The following SLC4A4 variants were observed in gnomAD, a reference collection of about 807,000 sequenced individuals.
SLC4A4 encodes the protein solute carrier family 4 member 4, also known as electrogenic sodium bicarbonate cotransporter 1.
SLC4A4 carries 27 observed loss-of-function variants against 111.5 expected under a neutral mutation model. That is an observed-to-expected ratio of 0.24 (90% CI 0.18 to 0.33). SLC4A4 has a LOEUF of 0.33. Among genes scored for constraint, SLC4A4 ranks in the 10% least tolerant of loss-of-function variants. The pLI is 1.00. For synonymous variants in SLC4A4, 443 were observed against 463.4 expected (o/e 0.96, Z 0.57); for missense variants, 909 against 1,315.5 (o/e 0.69, Z 4.78).
intron 3 of SLC4A4, among the ~76,000 whole-genome samples, chr4:71,271,760 A>G (rs1410752019): frequency 6.6e-6 from 1 of 152,250 alleles, no homozygotes; most frequent in African/African-American, 2.4e-5. Flanking sequence ...TAGCTACTCA[A>G]TAACATAAAA....
At chr4:71,492,464 A>T (rs1464396741) in intron 15 of SLC4A4, among the ~76,000 whole-genome samples, 1 of 151,984 alleles carries the variant, frequency 6.6e-6, no homozygotes, top group African/African-American at 2.4e-5. Context: ...CATGAGATTT[A>T]CCACAGTTAA....
chr4:71,179,317 C>G (rs1325668741), intron 2 of SLC4A4, among the ~76,000 whole-genome samples: 1 of 152,154 alleles, frequency 6.6e-6, no homozygotes, highest in African/African-American at 2.4e-5. Flanking sequence ...CCCTCTCTCA[C>G]CACTCCTATT....
At chr4:71,531,717 T>C (rs550181482) in intron 16 of SLC4A4, among the ~76,000 whole-genome samples, 137 of 150,008 alleles carry the variant, frequency 9.1e-4, no homozygotes, top group South Asian at 3.8e-3. Context: ...TTATACAGTA[T>C]CTCAGGGGTA....
intron 3 of SLC4A4, among the ~76,000 whole-genome samples, chr4:71,255,963 GAT>G (rs1360589736): frequency 1.3e-5 from 2 of 152,140 alleles, no homozygotes; most frequent in African/African-American, 4.8e-5. Context: ...TCATACACTG[GAT>G]AAAAGTGTTA....
In SLC4A4 at chr4:71,339,465, G is replaced by A; in HGVS notation, c.349G>A (p.Ala117Thr). 6.2e-7 allele frequency: 1 copy of A among 1,614,066 alleles called. No homozygotes were observed. Among genetic ancestry groups the A allele is most frequent in the South Asian group, 1.1e-5 (1 of 91,078 alleles). ...CTTCACGGAACTGGATGAGCTGCTG[G>A]CCGTGGATGGGCAGGAGATGGAGTG... The part of the protein sequence containing the change: ...QLFTELDELL[A>T]VDGQEMEWKE... The change falls in exon 4 of 26, where the codon GCC becomes ACC. Residue 117 changes from alanine to threonine, a missense_variant. Ala to Thr is a moderately conservative substitution (Grantham distance 58). Transcript: ENST00000264485.
chr4:71,376,962 T>A (rs972909531), intron 6 of SLC4A4, among the ~76,000 whole-genome samples: 3 of 152,176 alleles, frequency 2.0e-5, no homozygotes, highest in African/African-American at 7.2e-5. Flanking sequence ...TAAAGAGATT[T>A]GTAAAAATGT....
At chr4:71,153,283 T>C (rs1017307225) in intron 2 of SLC4A4, among the ~76,000 whole-genome samples, 30 of 152,104 alleles carry the variant, frequency 2.0e-4, no homozygotes, top group African/African-American at 7.0e-4. Context: ...CCCACCCACG[T>C]TAAGGGTGGG....
At chr4:71,213,320 G>C (rs1389043031) in intron 1 of SLC4A4, among the ~76,000 whole-genome samples, 3 of 152,104 alleles carry the variant, frequency 2.0e-5, no homozygotes, top group Admixed American at 2.0e-4. Flanking sequence ...TAAAGTATTG[G>C]CTCATGAGTG....
At chr4:71,340,675 T>A (rs1728838032) in intron 4 of SLC4A4, among the ~76,000 whole-genome samples, 2 of 152,084 alleles carry the variant, frequency 1.3e-5, no homozygotes, top group Admixed American at 6.5e-5. Flanking sequence ...GAGGCCCGAG[T>A]TTACTTTGAC....
intron 7 of SLC4A4, among the ~76,000 whole-genome samples, chr4:71,423,360 C>A (rs1244578550): frequency 2.0e-5 from 3 of 152,174 alleles, no homozygotes; most frequent in Non-Finnish European, 2.9e-5. Context: ...AATGGAAGAA[C>A]ATTCCATGCT....
intron 3 of SLC4A4, among the ~76,000 whole-genome samples, chr4:71,269,270 G>C (rs1578718303): frequency 6.6e-6 from 1 of 152,322 alleles, no homozygotes; most frequent in East Asian, 1.9e-4. Context: ...CACTTGATTG[G>C]TCTAAAGTCA....
chr4:71,253,842 T>C (rs1721250021), intron 2 of SLC4A4, among the ~76,000 whole-genome samples: 1 of 152,202 alleles, frequency 6.6e-6, no homozygotes, highest in African/African-American at 2.4e-5. Context: ...CTGCTTTATG[T>C]AAAGATGCCT....
At chr4:71,072,492 A>T (rs1741694211) in intron 1 of SLC4A4, among the ~76,000 whole-genome samples, 1 of 152,156 alleles carries the variant, frequency 6.6e-6, no homozygotes, top group Admixed American at 6.5e-5. Flanking sequence ...AAATAAAAAT[A>T]AAAATGATAG....
chr4:71,464,967 T>G (rs1469997905), intron 12 of SLC4A4, among the ~76,000 whole-genome samples: 1 of 152,130 alleles, frequency 6.6e-6, no homozygotes, highest in Non-Finnish European at 1.5e-5. Context: ...TTAAAAATGA[T>G]AAGTGAATGA....
intron 18 of SLC4A4, among the ~76,000 whole-genome samples, chr4:71,537,222 C>T (rs185236226): frequency 2.1e-4 from 30 of 141,466 alleles, no homozygotes; most frequent in Non-Finnish European, 7.8e-5. Context: ...GACTCTAATG[C>T]GTTTTCATGC....
At chr4:71,093,223 A>C (rs1282404228) in intron 2 of SLC4A4, among the ~76,000 whole-genome samples, 1 of 151,390 alleles carries the variant, frequency 6.6e-6, no homozygotes. Flanking sequence ...GCTGGAGTGC[A>C]CTGGCGTCAT....
chr4:71,376,674 G>GT (rs1188482106), intron 6 of SLC4A4, among the ~76,000 whole-genome samples: 1 of 151,334 alleles, frequency 6.6e-6, no homozygotes, highest in African/African-American at 2.4e-5. Context: ...CACTTACTCT[G>GT]TCACCCAGGC....
chr4:71,082,568 T>C (rs1467858258), intron 1 of SLC4A4, among the ~76,000 whole-genome samples: 1 of 152,110 alleles, frequency 6.6e-6, no homozygotes, highest in African/African-American at 2.4e-5. Context: ...TTTATCTATA[T>C]AAAACAATCA....
intron 2 of SLC4A4, among the ~76,000 whole-genome samples, chr4:71,099,938 C>G (rs1337194566): frequency 6.6e-6 from 1 of 152,052 alleles, no homozygotes; most frequent in Non-Finnish European, 1.5e-5. Context: ...CAATAATGAG[C>G]TCCAAAATTG....
Sources: gnomAD v4.1 joint callset for allele counts (sites outside exome capture counted in the v4.1 genomes callset) on GRCh38, gnomAD v4.1.1 for gene constraint, MANE v1.5 for transcripts, NCBI Gene and HGNC (gene_info 2026-07-23, HGNC 2026-07-21) for gene names.